The following NMNAT2 variants were observed in gnomAD, a reference collection of about 807,000 sequenced individuals.
The protein encoded by NMNAT2 is nicotinamide/nicotinic acid mononucleotide adenylyltransferase 2.
A neutral mutation model predicts 41.6 loss-of-function variants in NMNAT2; 11 were observed. The ratio of observed to expected loss-of-function variants is 0.26; its 90% CI spans 0.17 to 0.44. The LOEUF (loss-of-function observed/expected upper bound fraction) is 0.44, where lower values mean the gene tolerates loss of function less well. Among genes scored for constraint, NMNAT2 ranks in the 20% least tolerant of loss-of-function variants. NMNAT2 has a pLI of 1.00. For missense variants in NMNAT2, 288 were observed against 407.7 expected (o/e 0.71, Z 2.53); for synonymous variants, 148 against 151.2 (o/e 0.98, Z 0.16).
intron 1 of NMNAT2, among the ~76,000 whole-genome samples, chr1:183,350,640 G>A (rs1663024584): frequency 1.3e-5 from 2 of 152,118 alleles, no homozygotes; most frequent in Non-Finnish European, 2.9e-5. Flanking sequence ...TGAGACTCTT[G>A]GGAGTGGAAT....
At chr1:183,307,131 T>A (rs1352684886) in intron 1 of NMNAT2, among the ~76,000 whole-genome samples, 1 of 152,122 alleles carries the variant, frequency 6.6e-6, no homozygotes, top group Admixed American at 6.5e-5. Context: ...GCAAAGATTG[T>A]CCCTGGCCCC....
chr1:183,402,068 A>AT (rs1571640880), intron 1 of NMNAT2, among the ~76,000 whole-genome samples: 2 of 150,568 alleles, frequency 1.3e-5, no homozygotes, highest in East Asian at 4.0e-4. Context: ...TTAAAGTATA[A>AT]TAAAAAAAAA....
chr1:183,278,367 G>A (rs1195966290), intron 8 of NMNAT2, among the ~76,000 whole-genome samples, 186 bp downstream of exon 8: 2 of 152,190 alleles, frequency 1.3e-5, no homozygotes, highest in African/African-American at 4.8e-5. Flanking sequence ...GCTTGAGGAG[G>A]AGTAAGTGTA....
intron 10 of NMNAT2, among the ~76,000 whole-genome samples, 183 bp downstream of exon 10, chr1:183,260,819 C>CAAAAAAAAA (rs35660466): frequency 1.3e-5 from 1 of 74,994 alleles, no homozygotes; most frequent in Admixed American, 1.5e-4. Flanking sequence ...GACGCTGTCT[C>CAAAAAAAAA]AAAAAAAAAA....
At chr1:183,266,310 T>A (rs1476439802) in intron 8 of NMNAT2, among the ~76,000 whole-genome samples, 2 of 152,198 alleles carry the variant, frequency 1.3e-5, no homozygotes, top group Non-Finnish European at 2.9e-5. Context: ...AGACTGATTA[T>A]GTTAAAATAT....
chr1:183,273,737 T>G (rs1373507374), intron 8 of NMNAT2, among the ~76,000 whole-genome samples: 1 of 152,054 alleles, frequency 6.6e-6, no homozygotes, highest in Non-Finnish European at 1.5e-5. Flanking sequence ...TTTCTTTCTT[T>G]CTTTTTCTCT....
At chr1:183,298,262 C>T (rs1661755249) in intron 1 of NMNAT2, among the ~76,000 whole-genome samples, 1 of 152,222 alleles carries the variant, frequency 6.6e-6, no homozygotes, top group Admixed American at 6.5e-5. Context: ...AAACCTGTCT[C>T]TATTTGTAGA....
intron 1 of NMNAT2, among the ~76,000 whole-genome samples, chr1:183,331,368 G>A (rs1014776043): frequency 2.0e-5 from 3 of 152,188 alleles, no homozygotes; most frequent in African/African-American, 2.4e-5. Flanking sequence ...GAGGCGAGGC[G>A]TGAAGGAGAG....
At chr1:183,331,667 G>A (rs895681093) in intron 1 of NMNAT2, among the ~76,000 whole-genome samples, 3 of 152,238 alleles carry the variant, frequency 2.0e-5, no homozygotes, top group Admixed American at 6.5e-5. Context: ...ACAGCCTGGC[G>A]CCTGCACGCT....
At chr1:183,286,588 C>A in intron 5 of NMNAT2, 74 bp downstream of exon 5, 11 of 1,347,380 alleles carry the variant, frequency 8.2e-6, no homozygotes, top group Non-Finnish European at 1.1e-5. Flanking sequence ...CTGGGTGGAT[C>A]CCAGTAGTCA....
chr1:183,304,708 G>T, intron 1 of NMNAT2: 1 of 1,614,082 alleles, frequency 6.2e-7, no homozygotes, highest in South Asian at 1.1e-5. Flanking sequence ...CCCCTGGCAG[G>T]CCTGAATTTC....
At chr1:183,298,443 C>A (rs982057659) in intron 1 of NMNAT2, among the ~76,000 whole-genome samples, 1 of 152,102 alleles carries the variant, frequency 6.6e-6, no homozygotes, top group East Asian at 1.9e-4. Context: ...AAATGTTAAT[C>A]AATTCAATGA....
intron 1 of NMNAT2, among the ~76,000 whole-genome samples, chr1:183,367,607 G>A (rs1023219046): frequency 1.8e-4 from 28 of 152,280 alleles, no homozygotes; most frequent in African/African-American, 6.5e-4. Flanking sequence ...CCAAAGAGGC[G>A]TAGCAGTAAC....
intron 1 of NMNAT2, among the ~76,000 whole-genome samples, chr1:183,366,816 G>T (rs1663423690): frequency 6.6e-6 from 1 of 152,112 alleles, no homozygotes; most frequent in Non-Finnish European, 1.5e-5. Context: ...TGAGTGTGAA[G>T]ACCTCTATGC....
intron 1 of NMNAT2, among the ~76,000 whole-genome samples, chr1:183,379,836 A>G (rs1276805441): frequency 6.6e-6 from 1 of 152,268 alleles, no homozygotes; most frequent in Admixed American, 6.5e-5. Context: ...ATATAGTCAT[A>G]TTAAGTCAAG....
intron 1 of NMNAT2, among the ~76,000 whole-genome samples, chr1:183,386,619 G>T (rs74129758): frequency 0.019 from 2,847 of 152,068 alleles, 85 homozygotes; most frequent in African/African-American, 0.065. Flanking sequence ...CAAAATAATT[G>T]GTTTGGATAT....
intron 1 of NMNAT2, among the ~76,000 whole-genome samples, chr1:183,412,022 A>G (rs953342478): frequency 6.6e-6 from 1 of 152,192 alleles, no homozygotes; most frequent in Non-Finnish European, 1.5e-5. Context: ...AAGATGTTCC[A>G]TGGGGTTAGC....
chr1:183,298,309 A>G (rs563094794), intron 1 of NMNAT2, among the ~76,000 whole-genome samples: 1 of 152,372 alleles, frequency 6.6e-6, no homozygotes, highest in South Asian at 2.1e-4. Flanking sequence ...CAATAAATTT[A>G]CAAGGAAACT....
intron 1 of NMNAT2, among the ~76,000 whole-genome samples, chr1:183,309,388 G>C (rs1662060583): frequency 6.6e-6 from 1 of 152,142 alleles, no homozygotes; most frequent in Non-Finnish European, 1.5e-5. Context: ...AGCAAGAGCG[G>C]AGCCAGTGAG....
Sources: gnomAD v4.1 joint callset for allele counts (sites outside exome capture counted in the v4.1 genomes callset) on GRCh38, gnomAD v4.1.1 for gene constraint, MANE v1.5 for transcripts, NCBI Gene and HGNC (gene_info 2026-07-23, HGNC 2026-07-21) for gene names.